Variants in OR51T1 observed in about 807,000 individuals in gnomAD.
OR51T1 encodes olfactory receptor family 51 subfamily T member 1.
For synonymous variants in OR51T1, 188 were observed against 152.6 expected (o/e 1.23, Z -1.71); for missense variants, 439 against 398.5 (o/e 1.10, Z -0.87).
Position 4,881,946 on chromosome 11 carries a change from T to A in OR51T1, c.47T>A (p.Leu16His), listed in dbSNP as rs762136233. 2 of 1,613,908 alleles carry A rather than the reference T, an allele frequency of 1.2e-6. No homozygotes were observed. The highest frequency in any genetic ancestry group is 1.7e-6 in the Non-Finnish European group (2 of 1,179,862). ...NTTSSSSNFL[L>H]TAFPGLECAH... ...ACTTCGTCTTCCTCAAACTTCCTCCTCACTGCATTCCCTGGGCTGGAATGT... is the reference window on the plus strand; with the variant it reads ...ACTTCGTCTTCCTCAAACTTCCTCCACACTGCATTCCCTGGGCTGGAATGT... The change falls in exon 1 of 1, where the codon CTC becomes CAC. Residue 16 changes from leucine to histidine, a missense_variant. Transcript: ENST00000322049.
Position 4,882,753 on chromosome 11 carries a change from T to TA in OR51T1, c.855dup (p.Pro286ThrfsTer33). 6.2e-7 allele frequency: 1 copy of TA among 1,613,966 alleles called. No homozygotes were observed. Among genetic ancestry groups the TA allele is most frequent in the Non-Finnish European group, 8.5e-7 (1 of 1,179,914 alleles). On this transcript the variant is annotated frameshift_variant, in exon 1 of 1. Coordinates refer to ENST00000322049, the MANE Select transcript of OR51T1 (RefSeq NM_001004759.3). LOFTEE classifies it low-confidence loss of function (END_TRUNC). Reference sequence around the variant, plus strand: ...ACTTTGGCCAATATTTATCTGCTCTTACCACCTGTGCTGAACCCTATCATT... The same window carrying TA: ...ACTTTGGCCAATATTTATCTGCTCTTAACCACCTGTGCTGAACCCTATCATT...
rs757349152 is a variant in OR51T1, at chr11:4,882,682, T to G, written c.783T>G (p.Ser261=). The change falls in exon 1 of 1, where the codon TCT becomes TCG. Residue 261 remains serine (S), a synonymous_variant. Coordinates refer to ENST00000322049, the MANE Select transcript of OR51T1 (RefSeq NM_001004759.3). ...TCTATGTGCCACTGATCAGCCTCTC[T>G]TTGGCACACCGCCTCTTCCACTCCA... The part of the protein sequence containing the change: ...TIFYVPLISL[S]LAHRLFHSTP... 6.2e-7 allele frequency: 1 copy of G among 1,613,960 alleles called. No homozygotes were observed.
Position 4,882,793 on chromosome 11 carries a change from C to G in OR51T1, c.894C>G (p.Thr298=), listed in dbSNP as rs913006089. The stretch of plus-strand genomic sequence containing the variant: ...ACCCTATCATTTACAGCTTGAAGAC[C>G]AAGACAATCCGCCAGGCTATGTTCC... ...VLNPIIYSLK[T]KTIRQAMFQL... is the part of the protein sequence containing the mutation. The change falls in exon 1 of 1, where the codon ACC becomes ACG. Residue 298 remains threonine, a synonymous_variant. Transcript: ENST00000322049. 1.9e-6 allele frequency: 3 copies of G among 1,613,864 alleles called. No individual in the cohort carries two copies. Among genetic ancestry groups the G allele is most frequent in the African/African-American group, 1.3e-5 (1 of 74,974 alleles).
Position 4,882,543 on chromosome 11 carries a change from T to C in OR51T1, c.644T>C (p.Phe215Ser). ...TACCTGAATGGCACTGACGTATTGTTTATTCTTTTCTCCTATGTCCTGATC... is the reference window on the plus strand; with the variant it reads ...TACCTGAATGGCACTGACGTATTGTCTATTCTTTTCTCCTATGTCCTGATC... ...QLYLNGTDVL[F>S]ILFSYVLILR... is the part of the protein sequence containing the mutation. The change falls in exon 1 of 1, where the codon TTT (phenylalanine) becomes TCT (serine). Residue 215 changes from phenylalanine to serine, a missense_variant. Physicochemically the swap from Phe to Ser is radical, Grantham distance 155. Coordinates refer to ENST00000322049, the MANE Select transcript of OR51T1 (RefSeq NM_001004759.3). The C allele has an allele frequency of 6.2e-7, 1 of 1,613,948 alleles. No individual in the cohort carries two copies. Among genetic ancestry groups the C allele is most frequent in the Non-Finnish European group, 8.5e-7 (1 of 1,179,934 alleles).
Position 4,882,410 on chromosome 11 carries a change from C to G in OR51T1, c.511C>G (p.His171Asp). Residue 171 changes from histidine to aspartate, a missense_variant, in exon 1 of 1, where the codon CAT (histidine) becomes GAT (aspartate). Transcript: ENST00000322049. Reference sequence around the variant, plus strand: ...TGTAGCCATAAACACTGTGTCTTTTCATGGGGGTCACGAGCTTTCCCATCC... The same window carrying G: ...TGTAGCCATAAACACTGTGTCTTTTGATGGGGGTCACGAGCTTTCCCATCC... ...LLVAINTVSF[H>D]GGHELSHPFC... 1 of 1,613,970 alleles carries G rather than the reference C, an allele frequency of 6.2e-7. No individual in the cohort carries two copies. The highest frequency in any genetic ancestry group is 8.5e-7 in the Non-Finnish European group (1 of 1,179,938).
Position 4,882,751 on chromosome 11 carries a change from C to G in OR51T1, c.852C>G (p.Leu284=), listed in dbSNP as rs764345760. Residue 284 remains leucine, a synonymous_variant, in exon 1 of 1, where the codon CTC becomes CTG. Transcript: ENST00000322049. ...LCSTLANIYL[L]LPPVLNPIIY... ...GCACTTTGGCCAATATTTATCTGCT[C>G]TTACCACCTGTGCTGAACCCTATCA... 21 of 1,613,818 alleles carry G rather than the reference C, an allele frequency of 1.3e-5. No individual in the cohort carries two copies. In the East Asian group the frequency reaches 2.7e-4, roughly 21 times the overall value.
In OR51T1 at chr11:4,882,031, C is replaced by G. The variant is rs906430825; in HGVS notation, c.132C>G (p.Asn44Lys). The part of the protein sequence containing the change: ...CCLYTIALLG[N>K]SMIFLVIITK... The stretch of plus-strand genomic sequence containing the variant: ...TCTACACCATTGCCCTCTTGGGAAA[C>G]AGTATGATCTTTCTTGTCATCATTA... The change falls in exon 1 of 1, where the codon AAC becomes AAG. Residue 44 changes from asparagine to lysine, a missense_variant. Coordinates refer to ENST00000322049, the MANE Select transcript of OR51T1 (RefSeq NM_001004759.3). 6.2e-6 allele frequency: 10 copies of G among 1,613,782 alleles called. No individual in the cohort carries two copies. Among genetic ancestry groups the G allele is most frequent in the African/African-American group, 1.3e-5 (1 of 74,998 alleles).
chr11:4,882,613 A>T lies in OR51T1; in HGVS notation c.714A>T (p.Lys238Asn), dbSNP rs748966361. The T allele has an allele frequency of 4.3e-6, 7 of 1,613,936 alleles. No individual in the cohort carries two copies. Among genetic ancestry groups the T allele is most frequent in the Non-Finnish European group, 5.9e-6 (7 of 1,179,944 alleles). ...LGIVARKKQQ[K>N]ALSTCVCHIC... Reference sequence around the variant, plus strand: ...TTGTGGCCCGAAAGAAGCAACAAAAAGCTCTCAGCACTTGTGTCTGTCACA... The same window carrying T: ...TTGTGGCCCGAAAGAAGCAACAAAATGCTCTCAGCACTTGTGTCTGTCACA... The change falls in exon 1 of 1, where the codon AAA becomes AAT. Residue 238 changes from lysine to asparagine, a missense_variant. By Grantham distance (94) the Lys-to-Asn change is moderately conservative. Coordinates refer to ENST00000322049, the MANE Select transcript of OR51T1 (RefSeq NM_001004759.3).
At position 4,881,987 on chromosome 11, in the gene OR51T1, T is replaced by C; in HGVS notation, c.88T>C (p.Ser30Pro). 1 of 1,613,908 alleles carries C rather than the reference T, an allele frequency of 6.2e-7. No individual in the cohort carries two copies. Among genetic ancestry groups the C allele is most frequent in the South Asian group, 1.1e-5 (1 of 91,058 alleles). Residue 30 changes from serine (S) to proline (P), a missense_variant, in exon 1 of 1, where the codon TCC (serine) becomes CCC (proline). Coordinates refer to ENST00000322049, the MANE Select transcript of OR51T1 (RefSeq NM_001004759.3). ...PGLECAHVWISIPVCCLYTIA... is the reference protein window; with the variant it reads ...PGLECAHVWIPIPVCCLYTIA... ...GCTGGAATGTGCTCATGTCTGGATC[T>C]CCATTCCAGTCTGCTGTCTCTACAC...
chr11:4,882,249 T>C lies in OR51T1; in HGVS notation c.350T>C (p.Leu117Pro). The change falls in exon 1 of 1, where the codon CTG (leucine) becomes CCG (proline). Residue 117 changes from leucine to proline, a missense_variant. Coordinates refer to ENST00000322049, the MANE Select transcript of OR51T1 (RefSeq NM_001004759.3). ...HAFSLLESSV[L>P]VAMAFDRFVA... ...TTCTCCTTGCTGGAGTCCTCGGTGC[T>C]GGTAGCCATGGCCTTTGACCGCTTC... The C allele has an allele frequency of 6.2e-7, 1 of 1,614,030 alleles. No homozygotes were observed. The highest frequency in any genetic ancestry group is 8.5e-7 in the Non-Finnish European group (1 of 1,179,966).
chr11:4,882,375 T>G lies in OR51T1; in HGVS notation c.476T>G (p.Leu159Arg). The G allele has an allele frequency of 6.2e-7, 1 of 1,613,984 alleles. No individual in the cohort carries two copies. The highest frequency in any genetic ancestry group is 1.3e-5 in the African/African-American group (1 of 75,028). ...VICIRPAVFL[L>R]PLLVAINTVS... ...TGCATTAGACCAGCAGTTTTCTTAC[T>G]TCCCCTTCTTGTAGCCATAAACACT... The change falls in exon 1 of 1, where the codon CTT becomes CGT. Residue 159 changes from leucine to arginine, a missense_variant. By Grantham distance (102) the Leu-to-Arg change is moderately radical. Transcript: ENST00000322049.
At position 4,882,357 on chromosome 11, in the gene OR51T1, G is replaced by C; in HGVS notation, c.458G>C (p.Arg153Thr). Residue 153 changes from arginine to threonine, a missense_variant, in exon 1 of 1, where the codon AGA becomes ACA. Physicochemically the swap from Arg to Thr is moderately conservative, Grantham distance 71. Coordinates refer to ENST00000322049, the MANE Select transcript of OR51T1 (RefSeq NM_001004759.3). ...VLVIGLVICI[R>T]PAVFLLPLLV... The stretch of plus-strand genomic sequence containing the variant: ...GTGATAGGGCTGGTCATCTGCATTA[G>C]ACCAGCAGTTTTCTTACTTCCCCTT... 6.2e-7 allele frequency: 1 copy of C among 1,613,894 alleles called. No individual in the cohort carries two copies. The highest frequency in any genetic ancestry group is 2.2e-5 in the East Asian group (1 of 44,846).
Position 4,882,577 on chromosome 11 carries a change from T to C in OR51T1, c.678T>C (p.Thr226=), listed in dbSNP as rs140182455. ...TCTCCTATGTCCTGATCCTCCGTAC[T>C]GTTCTGGGCATTGTGGCCCGAAAGA... ...ILFSYVLILR[T]VLGIVARKKQ... Residue 226 remains threonine, a synonymous_variant, in exon 1 of 1, where the codon ACT becomes ACC. Transcript: ENST00000322049. The C allele has an allele frequency of 2.4e-5, 38 of 1,613,874 alleles. No homozygotes were observed. Among genetic ancestry groups the C allele is most frequent in the Non-Finnish European group, 2.8e-5 (33 of 1,179,946 alleles).
Position 4,882,021 on chromosome 11 carries a change from T to G in OR51T1, c.122T>G (p.Leu41Arg), listed in dbSNP as rs1430246820. Residue 41 changes from leucine (L) to arginine (R), a missense_variant, in exon 1 of 1, where the codon CTC (leucine) becomes CGC (arginine). Leu to Arg is a moderately radical substitution (Grantham distance 102). Transcript: ENST00000322049. ...IPVCCLYTIALLGNSMIFLVI... is the reference protein window; with the variant it reads ...IPVCCLYTIARLGNSMIFLVI... ...GTCTGCTGTCTCTACACCATTGCCC[T>G]CTTGGGAAACAGTATGATCTTTCTT... The G allele has an allele frequency of 2.5e-6, 4 of 1,613,774 alleles. No homozygotes were observed. The highest frequency in any genetic ancestry group is 2.5e-6 in the Non-Finnish European group (3 of 1,179,924).
Position 4,882,136 on chromosome 11 carries a change from C to A in OR51T1, c.237C>A (p.Thr79=), listed in dbSNP as rs759745598. 7 of 1,613,792 alleles carry A rather than the reference C, an allele frequency of 4.3e-6. No homozygotes were observed. The highest frequency in any genetic ancestry group is 3.3e-4 in the Middle Eastern group (2 of 6,078). The change falls in exon 1 of 1, where the codon ACC becomes ACA. Residue 79 remains threonine (T), a synonymous_variant. Coordinates refer to ENST00000322049, the MANE Select transcript of OR51T1 (RefSeq NM_001004759.3). ...TTGATCTATGTCTGACCATTACGAC[C>A]CTTCCCACTGTGCTTGGTGTTCTCT... ...AAVDLCLTIT[T]LPTVLGVLWF...
At position 4,882,421 on chromosome 11, in the gene OR51T1, C is replaced by T. The variant is rs146932329; in HGVS notation, c.522C>T (p.His174=). 1.2e-5 allele frequency: 19 copies of T among 1,613,786 alleles called. No homozygotes were observed. Among genetic ancestry groups the T allele is most frequent in the Middle Eastern group, 1.6e-4 (1 of 6,074 alleles). Residue 174 remains histidine (H), a synonymous_variant, in exon 1 of 1, where the codon CAC becomes CAT. Transcript: ENST00000322049. ...AINTVSFHGG[H]ELSHPFCYHP... ...ACACTGTGTCTTTTCATGGGGGTCA[C>T]GAGCTTTCCCATCCATTTTGCTACC...
chr11:4,882,301 T>C lies in OR51T1; in HGVS notation c.402T>C (p.Tyr134=). The C allele has an allele frequency of 6.2e-7, 1 of 1,614,014 alleles. No individual in the cohort carries two copies. Among genetic ancestry groups the C allele is most frequent in the South Asian group, 1.1e-5 (1 of 91,078 alleles). The change falls in exon 1 of 1, where the codon TAT becomes TAC. Residue 134 remains tyrosine, a synonymous_variant. Transcript: ENST00000322049. ...RFVAICNPLN[Y]ATILTDRMVL... is the part of the protein sequence containing the mutation. ...TGGCTATCTGTAACCCACTGAACTA[T>C]GCTACTATCCTCACAGACAGGATGG...
Position 4,882,032 on chromosome 11 carries a change from A to C in OR51T1, c.133A>C (p.Ser45Arg), listed in dbSNP as rs759654905. Reference protein sequence around the residue: ...CLYTIALLGNSMIFLVIITKR... With the variant: ...CLYTIALLGNRMIFLVIITKR... The stretch of plus-strand genomic sequence containing the variant: ...CTACACCATTGCCCTCTTGGGAAAC[A>C]GTATGATCTTTCTTGTCATCATTAC... Residue 45 changes from serine to arginine, a missense_variant, in exon 1 of 1, where the codon AGT (serine) becomes CGT (arginine). Ser to Arg is a moderately radical substitution (Grantham distance 110). Coordinates refer to ENST00000322049, the MANE Select transcript of OR51T1 (RefSeq NM_001004759.3). 8 of 1,613,772 alleles carry C rather than the reference A, an allele frequency of 5.0e-6. No homozygotes were observed. In the Admixed American group the frequency reaches 1.3e-4, roughly 27 times the overall value.
At position 4,882,535 on chromosome 11, in the gene OR51T1, C is replaced by T. The variant is rs138268565; in HGVS notation, c.636C>T (p.Asp212=). The T allele has an allele frequency of 2.4e-4, 384 of 1,613,886 alleles. No homozygotes were observed. The highest frequency in any genetic ancestry group is 1.7e-3 in the Middle Eastern group (10 of 6,058). ...LFLQLYLNGT[D]VLFILFSYVL... ...TTCAGCTCTACCTGAATGGCACTGA[C>T]GTATTGTTTATTCTTTTCTCCTATG... Residue 212 remains aspartate, a synonymous_variant, in exon 1 of 1, where the codon GAC becomes GAT. Transcript: ENST00000322049.
Sources: gnomAD v4.1 joint callset for allele counts on GRCh38, gnomAD v4.1.1 for gene constraint, MANE v1.5 for transcripts, NCBI Gene and HGNC (gene_info 2026-07-23, HGNC 2026-07-21) for gene names.